Variants in PCDHGA6 observed in about 807,000 individuals in gnomAD.
PCDHGA6 encodes the protein protocadherin gamma subfamily A, 6.
PCDHGA6 carries 41 observed loss-of-function variants against 60.6 expected under a neutral mutation model. The ratio of observed to expected loss-of-function variants is 0.68; its 90% CI spans 0.53 to 0.88. The LOEUF is 0.88. Ranked by LOEUF, PCDHGA6 falls within the 40% of genes least tolerant of loss-of-function variation. The probability of loss-of-function intolerance (pLI) is 0.00; values close to 1 mark genes in which losing one functional copy is unlikely to be tolerated. For missense variants in PCDHGA6, 1,312 were observed against 1,203.0 expected (o/e 1.09, Z -1.34); for synonymous variants, 594 against 524.4 (o/e 1.13, Z -1.81).
intron 1 of PCDHGA6, among the ~76,000 whole-genome samples, chr5:141,438,935 G>A (rs1306603362): frequency 6.6e-6 from 1 of 151,810 alleles, no homozygotes; most frequent in African/African-American, 2.4e-5. Context: ...CAAAGTGCTG[G>A]GATTATAGGC....
At chr5:141,402,434 A>C (rs2150931474) in intron 1 of PCDHGA6, among the ~76,000 whole-genome samples, 1 of 152,272 alleles carries the variant, frequency 6.6e-6, no homozygotes, top group East Asian at 1.9e-4. Flanking sequence ...AAGCATCATA[A>C]AAAGGAAATT....
intron 2 of PCDHGA6, among the ~76,000 whole-genome samples, chr5:141,500,410 C>G (rs2099800033): frequency 6.6e-6 from 1 of 151,774 alleles, no homozygotes; most frequent in Non-Finnish European, 1.5e-5. Flanking sequence ...GGGGTTTCAC[C>G]GTGTTAGCCA....
chr5:141,472,980 CAA>C (rs60579131), intron 1 of PCDHGA6, among the ~76,000 whole-genome samples: 879 of 86,072 alleles, frequency 0.01, 5 homozygotes, highest in African/African-American at 0.015. Context: ...GAGTGAAACT[CAA>C]AAAAAAAAAA....
At chr5:141,451,238 T>A (rs1167769789) in intron 1 of PCDHGA6, among the ~76,000 whole-genome samples, 6 of 152,214 alleles carry the variant, frequency 3.9e-5, no homozygotes, top group African/African-American at 1.4e-4. Context: ...TATTATCTCA[T>A]AAATTTTGTG....
At chr5:141,488,599 C>T (rs1017044328) in intron 1 of PCDHGA6, among the ~76,000 whole-genome samples, 1 of 152,152 alleles carries the variant, frequency 6.6e-6, no homozygotes, top group Non-Finnish European at 1.5e-5. Flanking sequence ...CAAGACTTTA[C>T]AAGGTTCTTA....
At chr5:141,383,257 G>C in intron 1 of PCDHGA6, 1 of 1,613,922 alleles carries the variant, frequency 6.2e-7, no homozygotes, top group Non-Finnish European at 8.5e-7. Flanking sequence ...TTACCCTATA[G>C]ACGTGGAAAT....
At chr5:141,410,847 G>GTATTT in intron 1 of PCDHGA6, 1 of 158,252 alleles carries the variant, frequency 6.3e-6, no homozygotes. Flanking sequence ...TTTTGTCTTT[G>GTATTT]TCTTTTTTTT....
chr5:141,376,016 G>A lies in PCDHGA6; in HGVS notation c.1933G>A (p.Ala645Thr). Residue 645 changes from alanine to threonine, a missense_variant, in exon 1 of 4, where the codon GCC (alanine) becomes ACC (threonine). Transcript: ENST00000517434. ...CGCGCTCAAGCAGAGCCTAGTGGTG[G>A]CCGTCCAGGACCACGGCCAGCCCCC... is the stretch of plus-strand genomic sequence containing the variant. ...RDALKQSLVV[A>T]VQDHGQPPLS... 4.3e-6 allele frequency: 7 copies of A among 1,613,318 alleles called. No individual in the cohort carries two copies. Among genetic ancestry groups the A allele is most frequent in the Non-Finnish European group, 5.9e-6 (7 of 1,179,902 alleles).
At position 141,491,502 on chromosome 5, in the gene PCDHGA6, C is replaced by G. The variant is rs751961360; in HGVS notation, c.2425-3305C>G. 1.4e-5 allele frequency: 23 copies of G among 1,614,080 alleles called. No homozygotes were observed. Among genetic ancestry groups the G allele is most frequent in the Non-Finnish European group, 1.8e-5 (21 of 1,180,006 alleles). ...GCCCCAACCTGCAGGTGAGCTCGGA[C>G]GGCACGCTCAAGTACATGGAGGTGA... On this transcript the variant is annotated intron_variant, in intron 1 of 3. Coordinates refer to ENST00000517434, the MANE Select transcript of PCDHGA6 (RefSeq NM_018919.3). This position sits in a 1 kb window ranked among gnomAD's most constrained non-coding sequence, Gnocchi z 6.9.
intron 1 of PCDHGA6, chr5:141,408,965 C>A: frequency 3.1e-6 from 5 of 1,613,806 alleles, no homozygotes; most frequent in Non-Finnish European, 4.2e-6. Flanking sequence ...TAGTGAAAAT[C>A]TGCCCCCTGG....
rs770630741 is a variant in PCDHGA6, at chr5:141,381,826, C to CTTTTT, written c.2424+5337_2424+5341dup. On this transcript the variant is annotated intron_variant, in intron 1 of 3. Coordinates refer to ENST00000517434, the MANE Select transcript of PCDHGA6 (RefSeq NM_018919.3). ...TTTCTTTCTTTCTTTCTTTCTTCTT[C>CTTTTT]TTTTTTTTTTTTTTTTTTTTTTGGC... Among the ~76,000 whole-genome samples, 477 of 74,206 alleles carry CTTTTT rather than the reference C, an allele frequency of 6.4e-3. 7 individuals are homozygous for CTTTTT. Among genetic ancestry groups the CTTTTT allele is most frequent in the African/African-American group, 7.2e-3 (117 of 16,174 alleles). The allele number at this position is 74,206 out of a possible 152,430, so 48.7% of individuals were successfully genotyped here.
intron 1 of PCDHGA6, chr5:141,377,100 C>G (rs941685328): frequency 6.6e-6 from 1 of 152,186 alleles, no homozygotes; most frequent in East Asian, 1.9e-4. Context: ...TCTTTTATAT[C>G]AAAAGAATGT....
intron 1 of PCDHGA6, chr5:141,419,467 C>T: frequency 6.2e-7 from 1 of 1,612,476 alleles, no homozygotes; most frequent in Non-Finnish European, 8.5e-7. Context: ...AGGCCCGCGA[C>T]CAGGGCTCGC....
At chr5:141,461,602 A>G (rs971808608) in intron 1 of PCDHGA6, among the ~76,000 whole-genome samples, 2 of 152,172 alleles carry the variant, frequency 1.3e-5, no homozygotes, top group African/African-American at 4.8e-5. Flanking sequence ...ATTATAATTT[A>G]GTTCAAAGTA....
chr5:141,496,164 C>A (rs745320704), intron 2 of PCDHGA6, among the ~76,000 whole-genome samples: 1 of 152,084 alleles, frequency 6.6e-6, no homozygotes, highest in East Asian at 1.9e-4. Flanking sequence ...CCACCAGACA[C>A]CCTCCCATCC....
At chr5:141,433,853 A>G (rs934981508) in intron 1 of PCDHGA6, among the ~76,000 whole-genome samples, 1 of 152,026 alleles carries the variant, frequency 6.6e-6, no homozygotes, top group Non-Finnish European at 1.5e-5. Flanking sequence ...AAAAAAAAAA[A>G]AACTTTATCC....
rs1225473275 is a variant in PCDHGA6 at position 141,512,442 on chromosome 5, TC to T, written c.*1271del. ...GGCCCCTGCCCTCCTGAAGCCTCAG[TC>T]CTTCACCTTGCCAGGTGCCGTTTCT... is the stretch of plus-strand genomic sequence containing the variant. On this transcript the variant is annotated 3_prime_UTR_variant, in exon 4 of 4. Transcript: ENST00000517434. 1 of 152,892 alleles carries T rather than the reference TC, an allele frequency of 6.5e-6. No individual in the cohort carries two copies. Among genetic ancestry groups the T allele is most frequent in the African/African-American group, 2.4e-5 (1 of 41,466 alleles). 9.5% of individuals were successfully genotyped at this position (152,892 alleles called of 1,614,324 possible).
At position 141,410,204 on chromosome 5, in the gene PCDHGA6, T is replaced by C. The variant is rs1212919717; in HGVS notation, c.2424+33697T>C. 11 of 1,613,954 alleles carry C rather than the reference T, an allele frequency of 6.8e-6. No homozygotes were observed. In the South Asian group the frequency reaches 9.9e-5, roughly 14 times the overall value. Reference sequence around the variant, plus strand: ...GCTTCATCTGGTCTTCGCAGACAACTTGCAAGAGATACTGCCAGACCTCAG... The same window carrying C: ...GCTTCATCTGGTCTTCGCAGACAACCTGCAAGAGATACTGCCAGACCTCAG... On this transcript the variant is annotated intron_variant, in intron 1 of 3. Transcript: ENST00000517434.
chr5:141,505,182 C>T (rs1302018549), intron 2 of PCDHGA6, among the ~76,000 whole-genome samples: 2 of 152,094 alleles, frequency 1.3e-5, no homozygotes, highest in East Asian at 3.9e-4. Context: ...AAAAAAGCAT[C>T]GGAGGCAGCA....
Sources: gnomAD v4.1 joint callset for allele counts (sites outside exome capture counted in the v4.1 genomes callset) on GRCh38, gnomAD v4.1.1 for gene constraint, Gnocchi (gnomAD v3.1) non-coding constraint, MANE v1.5 for transcripts, NCBI Gene and HGNC (gene_info 2026-07-23, HGNC 2026-07-21) for gene names.